Variants in SPATS2L observed in about 807,000 individuals in gnomAD.
The protein encoded by SPATS2L is SPATS2-like protein.
A neutral mutation model predicts 59.6 loss-of-function variants in SPATS2L; 30 were observed. That is an observed-to-expected ratio of 0.50 (90% CI 0.38 to 0.68). The LOEUF is 0.68. Ranked by LOEUF, SPATS2L falls within the 30% of genes least tolerant of loss-of-function variation. The probability of loss-of-function intolerance (pLI) is 0.00; values close to 1 mark genes in which losing one functional copy is unlikely to be tolerated. For missense variants in SPATS2L, 615 were observed against 700.0 expected (o/e 0.88, Z 1.37); for synonymous variants, 252 against 263.5 (o/e 0.96, Z 0.42).
intron 1 of SPATS2L, among the ~76,000 whole-genome samples, chr2:200,327,954 A>G (rs2079812274): frequency 6.6e-6 from 1 of 152,232 alleles, no homozygotes; most frequent in Non-Finnish European, 1.5e-5. Context: ...ATTAAGTACC[A>G]GCTGAGTTCT....
intron 1 of SPATS2L, among the ~76,000 whole-genome samples, chr2:200,327,386 A>C (rs1399476251): frequency 1.4e-5 from 2 of 145,736 alleles, no homozygotes; most frequent in Non-Finnish European, 3.0e-5. Context: ...CCTGGGTGAC[A>C]GAGCGAGACT....
In SPATS2L at chr2:200,332,787, T is replaced by TGTGTGTGC. The variant is rs1189091985; in HGVS notation, c.-23+3314_-23+3315insCGTGTGTG. Among the ~76,000 whole-genome samples the TGTGTGTGC allele has an allele frequency of 7.9e-5, 12 of 151,088 alleles. No individual in the cohort carries two copies. In the Admixed American group the frequency reaches 7.9e-4, roughly 10 times the overall value. ...AGTTAGCTGCCTGTGTGTGTGTGTG[T>TGTGTGTGC]GTGTGTGTATGTATGTATCTATGTA... On this transcript the variant is annotated intron_variant, in intron 2 of 12. Transcript: ENST00000409140.
chr2:200,411,952 A>G (rs922793116), intron 3 of SPATS2L, among the ~76,000 whole-genome samples: 8 of 152,214 alleles, frequency 5.3e-5, no homozygotes, highest in Non-Finnish European at 1.0e-4. Flanking sequence ...GCCAGTGGAA[A>G]GGAAGCCTGA....
At chr2:200,315,213 G>A (rs1431934441) in intron 1 of SPATS2L, among the ~76,000 whole-genome samples, 1 of 152,150 alleles carries the variant, frequency 6.6e-6, no homozygotes, top group African/African-American at 2.4e-5. Flanking sequence ...TCAGTCCAGA[G>A]GTATGAAATG....
chr2:200,398,161 G>A (rs879742143), intron 3 of SPATS2L, among the ~76,000 whole-genome samples: 7 of 152,194 alleles, frequency 4.6e-5, no homozygotes, highest in Non-Finnish European at 1.0e-4. Context: ...CTCCTGGGGG[G>A]AGTGTGGCTG....
At chr2:200,316,305 C>A (rs1243467075) in intron 1 of SPATS2L, among the ~76,000 whole-genome samples, 1 of 152,172 alleles carries the variant, frequency 6.6e-6, no homozygotes, top group Non-Finnish European at 1.5e-5. Context: ...CTCTTGGTTT[C>A]AACCTGGGCG....
intron 5 of SPATS2L, among the ~76,000 whole-genome samples, 180 bp from the exon 6 acceptor site, chr2:200,419,070 A>G (rs962343857): frequency 6.6e-6 from 1 of 152,148 alleles, no homozygotes; most frequent in Non-Finnish European, 1.5e-5. Flanking sequence ...AACTTACTAT[A>G]AGAAAGAAGA....
intron 1 of SPATS2L, among the ~76,000 whole-genome samples, chr2:200,321,914 T>G (rs777350237): frequency 4.3e-4 from 66 of 152,170 alleles, no homozygotes; most frequent in Admixed American, 3.3e-4. Context: ...CACAGAGAGA[T>G]AGTGGTGGTA....
At chr2:200,418,946 A>G (rs1020948269) in intron 5 of SPATS2L, among the ~76,000 whole-genome samples, 3 of 152,192 alleles carry the variant, frequency 2.0e-5, no homozygotes, top group Admixed American at 1.3e-4. Flanking sequence ...AGATTTTACT[A>G]TAGAACCTCA....
At chr2:200,444,589 C>T (rs2106122401) in intron 8 of SPATS2L, among the ~76,000 whole-genome samples, 1 of 152,080 alleles carries the variant, frequency 6.6e-6, no homozygotes, top group East Asian at 1.9e-4. Context: ...AAAGGGAAAT[C>T]TGTGAAAGCA....
rs150746080 is a variant in SPATS2L at position 200,348,470 on chromosome 2, C to A, written c.-23+18990C>A. Reference sequence around the variant, plus strand: ...CTAACTTTTCAGCAGAAGGGCCAATCTTGTCAATTCCTTTAAAGCCACGGG... The same window carrying A: ...CTAACTTTTCAGCAGAAGGGCCAATATTGTCAATTCCTTTAAAGCCACGGG... On this transcript the variant is annotated intron_variant, in intron 2 of 12. Coordinates refer to ENST00000409140, the MANE Select transcript of SPATS2L (RefSeq NM_001100423.2). 3.3e-5 allele frequency among the ~76,000 whole-genome samples: 5 copies of A among 152,296 alleles called. No individual in the cohort carries two copies. In the East Asian group the frequency reaches 9.6e-4, roughly 29 times the overall value.
At chr2:200,471,887 G>A (rs1332505928) in intron 11 of SPATS2L, among the ~76,000 whole-genome samples, 1 of 152,208 alleles carries the variant, frequency 6.6e-6, no homozygotes, top group East Asian at 1.9e-4. Context: ...TCAAAAATTG[G>A]TGACAGTTTT....
chr2:200,355,996 A>G (rs1010656220), intron 2 of SPATS2L, among the ~76,000 whole-genome samples: 2 of 152,210 alleles, frequency 1.3e-5, no homozygotes, highest in Non-Finnish European at 2.9e-5. Flanking sequence ...TGACTGAGAA[A>G]TATCTATGTA....
chr2:200,429,486 T>G (rs954526274), intron 6 of SPATS2L, among the ~76,000 whole-genome samples: 1 of 152,118 alleles, frequency 6.6e-6, no homozygotes, highest in African/African-American at 2.4e-5. Flanking sequence ...AAGAAACTTG[T>G]CAAAGGGCAC....
At chr2:200,441,824 G>A (rs1031117791) in intron 8 of SPATS2L, among the ~76,000 whole-genome samples, 7 of 152,098 alleles carry the variant, frequency 4.6e-5, no homozygotes, top group African/African-American at 7.2e-5. Flanking sequence ...TTGGCCTCCC[G>A]TGATTCTAGA....
chr2:200,430,921 T>C (rs2083888463), intron 6 of SPATS2L, among the ~76,000 whole-genome samples: 1 of 152,144 alleles, frequency 6.6e-6, no homozygotes, highest in African/African-American at 2.4e-5. Context: ...TTTCGCCATT[T>C]TGGCCAGGCT....
intron 12 of SPATS2L, among the ~76,000 whole-genome samples, chr2:200,475,995 A>G (rs1441920385): frequency 6.6e-6 from 1 of 152,196 alleles, no homozygotes; most frequent in Non-Finnish European, 1.5e-5. Flanking sequence ...CGAAGCACAT[A>G]ATAGCAACTA....
At chr2:200,306,690 C>A, upstream of SPATS2L, 1 of 985,348 alleles carries the variant, frequency 1.0e-6, no homozygotes, top group Non-Finnish European at 1.2e-6. Context: ...GCGGCCGAGC[C>A]GGAGTTGTGT....
At chr2:200,352,312 T>TA (rs1186928002) in intron 2 of SPATS2L, among the ~76,000 whole-genome samples, 84 of 334 alleles carry the variant, frequency 0.25, 25 homozygotes, top group South Asian at 0.5. Context: ...ACCAGCAGTT[T>TA]TTATATATAT....
Sources: gnomAD v4.1 joint callset for allele counts (sites outside exome capture counted in the v4.1 genomes callset) on GRCh38, gnomAD v4.1.1 for gene constraint, MANE v1.5 for transcripts, NCBI Gene and HGNC (gene_info 2026-07-23, HGNC 2026-07-21) for gene names.